The following PXDC1 variants were observed in gnomAD, a reference collection of about 807,000 sequenced individuals.
PXDC1 encodes PX domain containing 1.
In PXDC1, 13 loss-of-function variants were observed where a neutral mutation model predicts 24.4. That is an observed-to-expected ratio of 0.53 (90% CI 0.35 to 0.85). The LOEUF is 0.85. PXDC1 is among the 40% of genes least tolerant of loss of function. The probability of loss-of-function intolerance (pLI) is 0.01; values close to 1 mark genes in which losing one functional copy is unlikely to be tolerated. For synonymous variants in PXDC1, 162 were observed against 124.9 expected (o/e 1.30, Z -1.98); for missense variants, 344 against 309.3 (o/e 1.11, Z -0.84).
intron 1 of PXDC1, among the ~76,000 whole-genome samples, chr6:3,741,156 C>T (rs1022240400): frequency 6.6e-6 from 1 of 152,256 alleles, no homozygotes; most frequent in Non-Finnish European, 1.5e-5. Flanking sequence ...GCAGGCTCTT[C>T]GGTCACCAGC....
intron 3 of PXDC1, among the ~76,000 whole-genome samples, chr6:3,731,559 T>C (rs1464947552): frequency 1.3e-5 from 2 of 152,258 alleles, no homozygotes; most frequent in Non-Finnish European, 1.5e-5. Flanking sequence ...CCATGGAAAC[T>C]GACATTGGCA....
Position 3,751,580 on chromosome 6 carries a change from G to A in PXDC1, c.-49C>T. The A allele has an allele frequency of 6.9e-7, 1 of 1,450,824 alleles. No individual in the cohort carries two copies. The highest frequency in any genetic ancestry group is 9.0e-7 in the Non-Finnish European group (1 of 1,106,076). The allele number at this position is 1,450,824 out of a possible 1,614,324, so 89.9% of individuals were successfully genotyped here. A position where few individuals can be genotyped will look rare whatever the true frequency, so the allele number is the denominator to read the frequency against. The stretch of plus-strand genomic sequence containing the variant: ...GGCTCCCCAGCCCCGCCGCCCGCCC[G>A]CCCGCAGGAGGCGCGCCCCGGCCGG... On this transcript the variant is annotated 5_prime_UTR_variant, in exon 1 of 5. Transcript: ENST00000380283.
Position 3,737,419 on chromosome 6 carries a change from G to A in PXDC1, c.349-223C>T, listed in dbSNP as rs999862807. Among the ~76,000 whole-genome samples, 9 of 152,216 alleles carry A rather than the reference G, an allele frequency of 5.9e-5. No individual in the cohort carries two copies. The highest frequency in any genetic ancestry group is 1.7e-4 in the African/African-American group (7 of 41,452). ...GGCGGCTGAAAGGCAAGGCCTCAGC[G>A]ACCTGGGCAGTGGAGGGAATCATGG... On this transcript the variant is annotated intron_variant, in intron 2 of 4. Coordinates refer to ENST00000380283, the MANE Select transcript of PXDC1 (RefSeq NM_183373.4). The surrounding 1 kb of genome is among the most constrained non-coding windows in gnomAD (Gnocchi z 5.5).
At position 3,751,384 on chromosome 6, in the gene PXDC1, C is replaced by T. The variant is rs1309866769; in HGVS notation, c.148G>A (p.Val50Met). ...GCCAGGCTGCGGTGCAGGTAGAGCA[C>T]GCTGCGGTCCGACCACTCCGTGCGG... The part of the protein sequence containing the change: ...EIRTEWSDRS[V>M]LYLHRSLADL... Residue 50 changes from valine (V) to methionine (M), a missense_variant, in exon 1 of 5, where the codon GTG becomes ATG. Val to Met is a conservative substitution (Grantham distance 21, BLOSUM62 1). Coordinates refer to ENST00000380283, the MANE Select transcript of PXDC1 (RefSeq NM_183373.4). The T allele has an allele frequency of 4.5e-6, 7 of 1,566,706 alleles. No homozygotes were observed. The highest frequency in any genetic ancestry group is 5.2e-6 in the Non-Finnish European group (6 of 1,157,298).
chr6:3,743,800 G>A (rs573873036), intron 1 of PXDC1, among the ~76,000 whole-genome samples: 3 of 152,352 alleles, frequency 2.0e-5, no homozygotes, highest in Non-Finnish European at 4.4e-5. Context: ...CAGGACAGAA[G>A]GCCTCCCCCA....
chr6:3,731,332 C>T (rs1018654327), intron 3 of PXDC1, among the ~76,000 whole-genome samples: 10 of 152,078 alleles, frequency 6.6e-5, no homozygotes, highest in East Asian at 1.9e-4. Context: ...TAAAAAAGAA[C>T]GGAAGAAAAT....
At chr6:3,739,223 C>G in intron 1 of PXDC1, 3 of 902,320 alleles carry the variant, frequency 3.3e-6, no homozygotes, top group Non-Finnish European at 2.8e-6. Context: ...GGTCCCAGAG[C>G]ATACAGTCCA....
At position 3,747,683 on chromosome 6, in the gene PXDC1, CT is replaced by C. The variant is rs558064236; in HGVS notation, c.256+3592del. ...CTGTCTAAACGCAAAACCCCTCCCC[CT>C]GCTCCTGTAAGTCGGAGCCCCTTTC... On this transcript the variant is annotated intron_variant, in intron 1 of 4. Transcript: ENST00000380283. 6.6e-5 allele frequency among the ~76,000 whole-genome samples: 10 copies of C among 152,364 alleles called. No homozygotes were observed. In the South Asian group the frequency reaches 2.1e-3, roughly 32 times the overall value.
chr6:3,731,857 A>G (rs1227600111), intron 3 of PXDC1, among the ~76,000 whole-genome samples: 1 of 152,174 alleles, frequency 6.6e-6, no homozygotes, highest in Non-Finnish European at 1.5e-5. Flanking sequence ...GGAACCCTAC[A>G]CAGTGACGCT....
At chr6:3,750,728 G>T (rs1760688460) in intron 1 of PXDC1, among the ~76,000 whole-genome samples, 1 of 152,150 alleles carries the variant, frequency 6.6e-6, no homozygotes. Flanking sequence ...GCCGCGGGCG[G>T]GGCGGCCGCT....
rs559609395 is a variant in PXDC1 at position 3,739,371 on chromosome 6, C to T, written c.257-1223G>A. Among the ~76,000 whole-genome samples, 5 of 152,348 alleles carry T rather than the reference C, an allele frequency of 3.3e-5. No individual in the cohort carries two copies. In the South Asian group the frequency reaches 8.3e-4, roughly 25 times the overall value. ...AACCTTCTCCCCACTTCCTCAAGCACGTGCCAGGTGCCCATTCAGCTGGCT... is the reference window on the plus strand; with the variant it reads ...AACCTTCTCCCCACTTCCTCAAGCATGTGCCAGGTGCCCATTCAGCTGGCT... On this transcript the variant is annotated intron_variant, in intron 1 of 4. Transcript: ENST00000380283.
At chr6:3,733,083 A>C (rs1242867926) in intron 3 of PXDC1, among the ~76,000 whole-genome samples, 1 of 152,228 alleles carries the variant, frequency 6.6e-6, no homozygotes, top group African/African-American at 2.4e-5. Flanking sequence ...CTGAATGCCC[A>C]GAATGACCAA....
At chr6:3,731,455 T>C (rs1760193726) in intron 3 of PXDC1, among the ~76,000 whole-genome samples, 1 of 152,372 alleles carries the variant, frequency 6.6e-6, no homozygotes, top group East Asian at 1.9e-4. Flanking sequence ...ATGTAGCCAT[T>C]TTAATCACAT....
intron 3 of PXDC1, among the ~76,000 whole-genome samples, chr6:3,735,838 C>T (rs1186050068): frequency 6.6e-6 from 1 of 152,208 alleles, no homozygotes; most frequent in Non-Finnish European, 1.5e-5. Flanking sequence ...ACACAATATA[C>T]ACATGTATCA....
At position 3,746,290 on chromosome 6, in the gene PXDC1, G is replaced by C. The variant is rs372102376; in HGVS notation, c.256+4986C>G. Among the ~76,000 whole-genome samples, 75 of 152,340 alleles carry C rather than the reference G, an allele frequency of 4.9e-4. No homozygotes were observed. The South Asian group carries it at 0.015, about 31-fold the overall frequency. The stretch of plus-strand genomic sequence containing the variant: ...AGCTCAGTGGCCATTTATGGAAAAG[G>C]AAGAGGATCCCAGGTACAGCAGGAT... On this transcript the variant is annotated intron_variant, in intron 1 of 4. Coordinates refer to ENST00000380283, the MANE Select transcript of PXDC1 (RefSeq NM_183373.4).
chr6:3,750,580 G>C (rs1760683117), intron 1 of PXDC1, among the ~76,000 whole-genome samples: 1 of 152,222 alleles, frequency 6.6e-6, no homozygotes, highest in Non-Finnish European at 1.5e-5. Context: ...GAAAAGGGAA[G>C]CCACCGCGGT....
chr6:3,734,528 G>A (rs1291295684), intron 3 of PXDC1, among the ~76,000 whole-genome samples: 1 of 152,086 alleles, frequency 6.6e-6, no homozygotes, highest in East Asian at 1.9e-4. Context: ...TAGGACTCCA[G>A]AGCCCTCTGT....
rs1019227184 is a variant in PXDC1, at chr6:3,746,337, G to A, written c.256+4939C>T. The stretch of plus-strand genomic sequence containing the variant: ...GGATGGGGGAAGCAGAGTGGGCGGC[G>A]GGGTTTGGGCTTGGCAAAGAAAAGC... On this transcript the variant is annotated intron_variant, in intron 1 of 4. Transcript: ENST00000380283. Among the ~76,000 whole-genome samples, 7 of 152,184 alleles carry A rather than the reference G, an allele frequency of 4.6e-5. No homozygotes were observed. In the South Asian group the frequency reaches 1.0e-3, roughly 23 times the overall value.
chr6:3,739,030 T>C, intron 1 of PXDC1: 1 of 1,223,808 alleles, frequency 8.2e-7, no homozygotes, highest in East Asian at 5.8e-5. Flanking sequence ...GCAAAAACCG[T>C]GATTACTGCG....
Sources: allele counts gnomAD v4.1 joint callset (sites outside exome capture counted in the v4.1 genomes callset), GRCh38; gene constraint gnomAD v4.1.1; non-coding constraint Gnocchi (gnomAD v3.1); transcripts MANE v1.5; gene names NCBI Gene and HGNC (gene_info 2026-07-23, HGNC 2026-07-21).